The following SLC24A3 variants were observed in gnomAD, a reference collection of about 807,000 sequenced individuals.
SLC24A3 encodes sodium/potassium/calcium exchanger 3.
SLC24A3 carries 28 observed loss-of-function variants against 75.8 expected under a neutral mutation model. The ratio of observed to expected loss-of-function variants is 0.37; its 90% CI spans 0.27 to 0.51. The LOEUF (loss-of-function observed/expected upper bound fraction) is 0.51, where lower values mean the gene tolerates loss of function less well. SLC24A3 is among the 20% of genes least tolerant of loss of function. SLC24A3 has a pLI of 0.94. For synonymous variants in SLC24A3, 372 were observed against 334.1 expected (o/e 1.11, Z -1.24); for missense variants, 663 against 847.8 (o/e 0.78, Z 2.71).
chr20:19,583,685 C>T lies in SLC24A3; in HGVS notation c.424-1286C>T, dbSNP rs549143224. On this transcript the variant is annotated intron_variant, in intron 4 of 16. Transcript: ENST00000328041. ...CAGAACCACAGCAACACATGGCTCC[C>T]GCCTCCTGGCAGGTCTCGGCAAACC... 6.6e-5 allele frequency among the ~76,000 whole-genome samples: 10 copies of T among 152,326 alleles called. No individual in the cohort carries two copies. In the East Asian group the frequency reaches 9.7e-4, roughly 15 times the overall value.
At chr20:19,670,950 C>G (rs562120609) in intron 8 of SLC24A3, among the ~76,000 whole-genome samples, 1 of 152,194 alleles carries the variant, frequency 6.6e-6, no homozygotes, top group South Asian at 2.1e-4. Flanking sequence ...CACCAGATAC[C>G]AGGGAAGGTG....
At chr20:19,633,654 A>AG (rs1187880433) in intron 6 of SLC24A3, among the ~76,000 whole-genome samples, 1 of 150,946 alleles carries the variant, frequency 6.6e-6, no homozygotes, top group East Asian at 1.9e-4. Context: ...GTCTCAAAAA[A>AG]AAAAAAAAAA....
chr20:19,253,294 T>A (rs371905616), intron 1 of SLC24A3, among the ~76,000 whole-genome samples: 18 of 152,286 alleles, frequency 1.2e-4, no homozygotes, highest in African/African-American at 4.3e-4. Context: ...CAGGAATCTG[T>A]CATTTTCAGG....
intron 2 of SLC24A3, among the ~76,000 whole-genome samples, chr20:19,306,834 T>C (rs1984344331): frequency 6.6e-6 from 1 of 152,094 alleles, no homozygotes; most frequent in Admixed American, 6.5e-5. Context: ...AACCTGCACA[T>C]GTACCCGCAG....
chr20:19,263,735 T>C (rs538458386), intron 1 of SLC24A3, among the ~76,000 whole-genome samples: 4 of 152,336 alleles, frequency 2.6e-5, no homozygotes, highest in Admixed American at 2.0e-4. Context: ...TATTCTCCTA[T>C]TGCTGGTTTC....
chr20:19,700,189 A>G (rs1329334086), intron 15 of SLC24A3, among the ~76,000 whole-genome samples: 9 of 152,166 alleles, frequency 5.9e-5, no homozygotes, highest in Non-Finnish European at 7.4e-5. Context: ...AAAAACCCCA[A>G]AATTCCACTG....
At chr20:19,667,051 G>A (rs2032407293) in intron 8 of SLC24A3, among the ~76,000 whole-genome samples, 1 of 152,188 alleles carries the variant, frequency 6.6e-6, no homozygotes, top group Admixed American at 6.5e-5. Context: ...AGAAAAAGTA[G>A]AGTCCACCAG....
chr20:19,236,463 A>G (rs531777174), intron 1 of SLC24A3, among the ~76,000 whole-genome samples: 200 of 152,300 alleles, frequency 1.3e-3, no homozygotes, highest in African/African-American at 4.7e-3. Flanking sequence ...TAGAGAAAAA[A>G]TAAGCAGGCT....
intron 9 of SLC24A3, among the ~76,000 whole-genome samples, chr20:19,678,704 G>A (rs1261902452): frequency 8.0e-6 from 1 of 125,114 alleles, no homozygotes; most frequent in Non-Finnish European, 1.7e-5. Context: ...TCACTTCCCA[G>A]ACGGGGTGGC....
intron 6 of SLC24A3, among the ~76,000 whole-genome samples, chr20:19,614,350 G>A (rs998440602): frequency 4.6e-5 from 7 of 152,172 alleles, no homozygotes; most frequent in African/African-American, 1.4e-4. Context: ...TATATAGAAA[G>A]TACTCAGTAA....
intron 2 of SLC24A3, among the ~76,000 whole-genome samples, chr20:19,346,124 G>GTA (rs376367757): frequency 0.21 from 8,954 of 43,434 alleles, 2,386 homozygotes; most frequent in Middle Eastern, 0.36. Context: ...GTGTGTGTGT[G>GTA]TATATATATA....
intron 2 of SLC24A3, among the ~76,000 whole-genome samples, chr20:19,444,919 T>C (rs960008503): frequency 1.3e-5 from 2 of 152,142 alleles, no homozygotes; most frequent in Non-Finnish European, 2.9e-5. Context: ...CTAAAGTAGA[T>C]GCTTAGGTTA....
chr20:19,548,041 ATTAACAT>A (rs1600275794), intron 3 of SLC24A3, among the ~76,000 whole-genome samples: 1 of 152,204 alleles, frequency 6.6e-6, no homozygotes, highest in East Asian at 1.9e-4. Context: ...TCTCCTCTGA[ATTAACAT>A]GGTCTTCTCA....
chr20:19,214,326 C>T lies in SLC24A3; in HGVS notation c.142+1342C>T, dbSNP rs76752967. ...TCTGACATCAGGAAGGGGGCCGTGC[C>T]GGTGTGAGGGAAGCAGAATCTCTCC... is the stretch of plus-strand genomic sequence containing the variant. On this transcript the variant is annotated intron_variant, in intron 1 of 16. Transcript: ENST00000328041. Among the ~76,000 whole-genome samples the T allele has an allele frequency of 7.6e-3, 1,152 of 152,232 alleles. 7 individuals are homozygous for T. Among genetic ancestry groups the T allele is most frequent in the East Asian group, 0.018 (92 of 5,186 alleles).
At chr20:19,601,527 C>G (rs2031527041) in intron 6 of SLC24A3, among the ~76,000 whole-genome samples, 1 of 152,224 alleles carries the variant, frequency 6.6e-6, no homozygotes, top group Non-Finnish European at 1.5e-5. Context: ...CCATGCTCCC[C>G]CTTCTGACTC....
intron 2 of SLC24A3, among the ~76,000 whole-genome samples, chr20:19,288,795 A>T (rs1983871768): frequency 6.6e-6 from 1 of 152,194 alleles, no homozygotes; most frequent in Non-Finnish European, 1.5e-5. Flanking sequence ...GGCTCAACAA[A>T]CAAGAGCCCT....
At chr20:19,400,207 A>C (rs1001023017) in intron 2 of SLC24A3, among the ~76,000 whole-genome samples, 13 of 152,176 alleles carry the variant, frequency 8.5e-5, no homozygotes, top group Admixed American at 1.3e-4. Flanking sequence ...ATATACAGAC[A>C]TTGTGGATTT....
chr20:19,577,484 A>G (rs2031157264), intron 3 of SLC24A3, among the ~76,000 whole-genome samples: 1 of 152,252 alleles, frequency 6.6e-6, no homozygotes, highest in Non-Finnish European at 1.5e-5. Flanking sequence ...TTAGTGAAGT[A>G]TAAGACAGAA....
chr20:19,383,970 T>C (rs1986227764), intron 2 of SLC24A3, among the ~76,000 whole-genome samples: 2 of 152,246 alleles, frequency 1.3e-5, no homozygotes, highest in Admixed American at 1.3e-4. Flanking sequence ...ATTCAGTCCA[T>C]AGCAGCTTTT....
Sources: allele counts gnomAD v4.1 joint callset (sites outside exome capture counted in the v4.1 genomes callset), GRCh38; gene constraint gnomAD v4.1.1; transcripts MANE v1.5; gene names NCBI Gene and HGNC (gene_info 2026-07-23, HGNC 2026-07-21).